Variants in COL4A2 observed in about 807,000 individuals in gnomAD.
The protein encoded by COL4A2 is collagen alpha-2(IV) chain.
In COL4A2, 99 loss-of-function variants were observed where a neutral mutation model predicts 200.2. That is an observed-to-expected ratio of 0.49 (90% CI 0.42 to 0.58). The LOEUF is 0.58. Among genes scored for constraint, COL4A2 ranks in the 20% least tolerant of loss-of-function variants. The pLI, the probability that COL4A2 is intolerant of heterozygous loss-of-function variation, is 0.00. For synonymous variants in COL4A2, 897 were observed against 900.6 expected (o/e 1.00, Z 0.07); for missense variants, 1,950 against 2,314.1 (o/e 0.84, Z 3.23).
At chr13:110,391,407 G>T (rs888295413) in intron 4 of COL4A2, among the ~76,000 whole-genome samples, 2 of 152,192 alleles carry the variant, frequency 1.3e-5, no homozygotes, top group Non-Finnish European at 2.9e-5. Context: ...CGGCAGCCGG[G>T]GTTCCAGCAT....
At chr13:110,331,964 C>T (rs1368553608) in intron 3 of COL4A2, among the ~76,000 whole-genome samples, 1 of 152,126 alleles carries the variant, frequency 6.6e-6, no homozygotes, top group African/African-American at 2.4e-5. Flanking sequence ...TAATGATGTC[C>T]AATAAGCTGA....
chr13:110,482,464 C>T, intron 31 of COL4A2, 52 bp from the exon 32 acceptor site: 1 of 1,575,410 alleles, frequency 6.3e-7, no homozygotes, highest in Non-Finnish European at 8.7e-7. Context: ...ACTGAAATGT[C>T]CCATGCATTT....
At chr13:110,311,719 G>A (rs981281875) in intron 3 of COL4A2, among the ~76,000 whole-genome samples, 9 of 152,220 alleles carry the variant, frequency 5.9e-5, no homozygotes, top group Non-Finnish European at 1.2e-4. Flanking sequence ...TCTGAGCATT[G>A]TCACCTATCT....
At chr13:110,381,903 C>T (rs988827510) in intron 4 of COL4A2, among the ~76,000 whole-genome samples, 4 of 152,136 alleles carry the variant, frequency 2.6e-5, no homozygotes, top group African/African-American at 9.7e-5. Context: ...TTATGCTCTC[C>T]CTTTTTCTGC....
chr13:110,503,624 C>G, intron 43 of COL4A2, 143 bp downstream of exon 43: 1 of 716,114 alleles, frequency 1.4e-6, no homozygotes, highest in Non-Finnish European at 2.3e-6. Context: ...CAAGGCTGTG[C>G]CTCGGATGTT....
chr13:110,329,882 C>T (rs1469040509), intron 3 of COL4A2, among the ~76,000 whole-genome samples: 1 of 152,136 alleles, frequency 6.6e-6, no homozygotes, highest in Non-Finnish European at 1.5e-5. Flanking sequence ...CAGCAAAGTG[C>T]ATAATTCCAG....
chr13:110,436,220 T>C (rs913035653), intron 12 of COL4A2, 49 bp from the exon 13 acceptor site: 1 of 1,612,264 alleles, frequency 6.2e-7, no homozygotes, highest in Non-Finnish European at 8.5e-7. Flanking sequence ...TCGAGTTTTG[T>C]AGTTTCCTTT....
intron 3 of COL4A2, among the ~76,000 whole-genome samples, chr13:110,343,034 C>G (rs901130231): frequency 1.3e-5 from 2 of 152,232 alleles, no homozygotes; most frequent in African/African-American, 4.8e-5. Context: ...TGTGTGCATG[C>G]TAATTCCAAA....
At chr13:110,463,864 T>C (rs751752597) in intron 24 of COL4A2, among the ~76,000 whole-genome samples, 2 of 152,190 alleles carry the variant, frequency 1.3e-5, no homozygotes, top group Non-Finnish European at 2.9e-5. Context: ...GTGCAGTTTT[T>C]TGGGGCCAGA....
intron 3 of COL4A2, among the ~76,000 whole-genome samples, chr13:110,311,349 G>A (rs1008141020): frequency 7.9e-5 from 12 of 152,196 alleles, no homozygotes; most frequent in Non-Finnish European, 1.5e-4. Flanking sequence ...TGAATGTGGT[G>A]CCAAGATGCA....
chr13:110,379,356 C>T (rs1387353691), intron 4 of COL4A2, among the ~76,000 whole-genome samples: 5 of 152,244 alleles, frequency 3.3e-5, no homozygotes, highest in Non-Finnish European at 7.3e-5. Flanking sequence ...CGTGCAGGTG[C>T]ACCCGAGGGA....
chr13:110,408,856 CAT>C (rs201099058), intron 4 of COL4A2, among the ~76,000 whole-genome samples: 8,824 of 136,438 alleles, frequency 0.065, 166 homozygotes, highest in East Asian at 0.24. Flanking sequence ...CATATACACA[CAT>C]ACACGCACAT....
intron 3 of COL4A2, among the ~76,000 whole-genome samples, chr13:110,324,635 T>C (rs974354711): frequency 2.0e-5 from 3 of 152,190 alleles, no homozygotes; most frequent in African/African-American, 7.2e-5. Context: ...GGACTCTGCA[T>C]TCCTAATGCT....
intron 4 of COL4A2, among the ~76,000 whole-genome samples, chr13:110,380,877 C>G (rs1246552333): frequency 2.0e-5 from 3 of 149,860 alleles, no homozygotes; most frequent in Non-Finnish European, 4.4e-5. Flanking sequence ...GGCTCTGTCT[C>G]ACACCCACGA....
At chr13:110,471,896 G>A (rs1017568821) in intron 28 of COL4A2, among the ~76,000 whole-genome samples, 5 of 152,116 alleles carry the variant, frequency 3.3e-5, no homozygotes, top group Admixed American at 6.5e-5. Context: ...CTTCTCTCCT[G>A]CATGCACAGC....
chr13:110,415,267 T>A (rs1463697520), intron 4 of COL4A2, among the ~76,000 whole-genome samples: 1 of 152,202 alleles, frequency 6.6e-6, no homozygotes, highest in Non-Finnish European at 1.5e-5. Context: ...AAAAAGTGAA[T>A]TTTATTGTAT....
intron 18 of COL4A2, among the ~76,000 whole-genome samples, chr13:110,449,444 C>T (rs756228821): frequency 5.3e-5 from 8 of 152,184 alleles, no homozygotes; most frequent in Admixed American, 1.3e-4. Context: ...CTTCTTTATT[C>T]GAGCTTTGGA....
intron 3 of COL4A2, among the ~76,000 whole-genome samples, chr13:110,335,002 C>T (rs1419177322): frequency 6.6e-6 from 1 of 152,276 alleles, no homozygotes; most frequent in Non-Finnish European, 1.5e-5. Context: ...GTGACCTCAA[C>T]TATCTCTCTG....
intron 20 of COL4A2, among the ~76,000 whole-genome samples, chr13:110,454,671 C>T (rs1881655126): frequency 6.6e-6 from 1 of 152,100 alleles, no homozygotes; most frequent in Non-Finnish European, 1.5e-5. Flanking sequence ...CCCACTGGCC[C>T]CCGACATCTC....
Sources: gnomAD v4.1 joint callset for allele counts (sites outside exome capture counted in the v4.1 genomes callset) on GRCh38, gnomAD v4.1.1 for gene constraint, MANE v1.5 for transcripts, NCBI Gene and HGNC (gene_info 2026-07-23, HGNC 2026-07-21) for gene names.